HECW2: variants seen among roughly 807,000 people sequenced by gnomAD.
The protein encoded by HECW2 is HECT, C2 and WW domain containing E3 ubiquitin protein ligase 2, also known as E3 ubiquitin-protein ligase HECW2.
Under a neutral mutation model 175.2 loss-of-function variants are expected in HECW2, and 61 were observed. The ratio of observed to expected loss-of-function variants is 0.35; its 90% CI spans 0.28 to 0.43. HECW2 has a LOEUF of 0.43. HECW2 is among the 20% of genes least tolerant of loss of function. The pLI is 1.00. For synonymous variants in HECW2, 671 were observed against 731.0 expected (o/e 0.92, Z 1.32); for missense variants, 1,524 against 2,000.5 (o/e 0.76, Z 4.54).
At chr2:196,363,483 A>C (rs936435698) in intron 2 of HECW2, among the ~76,000 whole-genome samples, 2 of 152,112 alleles carry the variant, frequency 1.3e-5, no homozygotes, top group Non-Finnish European at 2.9e-5. Flanking sequence ...AACCTCACTA[A>C]TTTAGGTGGC....
chr2:196,422,140 T>C (rs1197410773), intron 2 of HECW2, among the ~76,000 whole-genome samples: 2 of 152,172 alleles, frequency 1.3e-5, no homozygotes, highest in African/African-American at 4.8e-5. Flanking sequence ...TATTCCAAAG[T>C]ATGAGACTTT....
intron 27 of HECW2, 101 bp downstream of exon 27, chr2:196,216,907 A>C (rs1687494773): frequency 1.3e-6 from 1 of 750,708 alleles, no homozygotes; most frequent in Non-Finnish European, 2.1e-6. Context: ...CCAGATACAC[A>C]TGGTATGTGT....
chr2:196,494,063 T>C (rs1249876242), intron 1 of HECW2, among the ~76,000 whole-genome samples: 2 of 152,204 alleles, frequency 1.3e-5, no homozygotes, highest in Non-Finnish European at 2.9e-5. Flanking sequence ...GAGTTCAGTA[T>C]TGAAGAATTA....
intron 13 of HECW2, among the ~76,000 whole-genome samples, chr2:196,300,641 A>T (rs1040566031): frequency 5.3e-5 from 8 of 152,236 alleles, no homozygotes; most frequent in Non-Finnish European, 1.0e-4. Context: ...TTTGTAAATT[A>T]TAAGTCAGGA....
chr2:196,585,112 G>A (rs1007502017), intron 1 of HECW2, among the ~76,000 whole-genome samples: 7 of 152,154 alleles, frequency 4.6e-5, no homozygotes, highest in African/African-American at 1.4e-4. Flanking sequence ...TGTGGCCTAA[G>A]TATATTACTG....
At chr2:196,458,784 T>C (rs956124111) in intron 1 of HECW2, among the ~76,000 whole-genome samples, 3 of 152,132 alleles carry the variant, frequency 2.0e-5, no homozygotes, top group African/African-American at 7.2e-5. Flanking sequence ...GAGAATGACT[T>C]GAACCCAGGA....
intron 1 of HECW2, among the ~76,000 whole-genome samples, chr2:196,459,795 T>C (rs1411791628): frequency 6.6e-6 from 1 of 152,174 alleles, no homozygotes; most frequent in East Asian, 1.9e-4. Context: ...GGGAGGGGTT[T>C]TGCATCCTCT....
chr2:196,548,295 A>G (rs1373578230), intron 1 of HECW2, among the ~76,000 whole-genome samples: 2 of 150,416 alleles, frequency 1.3e-5, no homozygotes, highest in African/African-American at 4.9e-5. Flanking sequence ...TCGCCAGTGC[A>G]CTCCAGCCTG....
In HECW2 at chr2:196,450,489, A is replaced by ATT. The variant is rs34937207; in HGVS notation, c.-35-17033_-35-17032dup. Among the ~76,000 whole-genome samples, 504 of 135,472 alleles carry ATT rather than the reference A, an allele frequency of 3.7e-3. 4 individuals are homozygous for ATT. The highest frequency in any genetic ancestry group is 1.0e-2 in the African/African-American group (361 of 36,130). 88.9% of individuals were successfully genotyped at this position (135,472 alleles called of 152,430 possible). On this transcript the variant is annotated intron_variant, in intron 1 of 28. Coordinates refer to ENST00000644978, the MANE Select transcript of HECW2 (RefSeq NM_001348768.2). ...CTGTTAGATGCTGCCCAAATATCAG[A>ATT]TTTTTTTTTTTTTTTTTTTGAGATG...
At chr2:196,274,258 G>T in intron 15 of HECW2, 135 bp from the exon 16 acceptor site, 1 of 636,164 alleles carries the variant, frequency 1.6e-6, no homozygotes, top group Non-Finnish European at 2.8e-6. Flanking sequence ...TACCAGCTGT[G>T]GGGCTGAAGC....
chr2:196,445,409 T>A (rs1436402975), intron 1 of HECW2, among the ~76,000 whole-genome samples: 1 of 152,200 alleles, frequency 6.6e-6, no homozygotes, highest in East Asian at 1.9e-4. Context: ...TTAATTAGCA[T>A]TATTGGCTTT....
At position 196,269,496 on chromosome 2, in the gene HECW2, C is replaced by CAAAAAAAAAAAAA. The variant is rs66656524; in HGVS notation, c.3335+1684_3335+1696dup. ...GTGGGACTCCGTCTCCCCCTACCTCCAAAAAAAAAAAAAAAAAAAAAAAAA... is the reference window on the plus strand; with the variant it reads ...GTGGGACTCCGTCTCCCCCTACCTCCAAAAAAAAAAAAAAAAAAAAAAAAAAAAAAAAAAAAAA... On this transcript the variant is annotated intron_variant, in intron 17 of 28. Coordinates refer to ENST00000644978, the MANE Select transcript of HECW2 (RefSeq NM_001348768.2). 50 of 51,320 alleles carry CAAAAAAAAAAAAA rather than the reference C, an allele frequency of 9.7e-4. 2 individuals are homozygous for CAAAAAAAAAAAAA. The highest frequency in any genetic ancestry group is 2.4e-3 in the African/African-American group (27 of 11,218). 3.2% of individuals were successfully genotyped at this position (51,320 alleles called of 1,614,324 possible).
chr2:196,293,641 A>G (rs974840705), intron 13 of HECW2, among the ~76,000 whole-genome samples: 3 of 152,250 alleles, frequency 2.0e-5, no homozygotes, highest in African/African-American at 7.2e-5. Flanking sequence ...GTCTCACTGC[A>G]CATGGGCCAT....
chr2:196,282,828 C>A (rs1028994206), intron 14 of HECW2, among the ~76,000 whole-genome samples: 1 of 152,172 alleles, frequency 6.6e-6, no homozygotes, highest in Non-Finnish European at 1.5e-5. Flanking sequence ...TCCAACCCCC[C>A]ACTTTCCATC....
intron 19 of HECW2, among the ~76,000 whole-genome samples, chr2:196,243,939 GT>G (rs994732988): frequency 6.6e-6 from 1 of 152,152 alleles, no homozygotes; most frequent in Non-Finnish European, 1.5e-5. Flanking sequence ...CAAGCAGCAG[GT>G]TGGGATAGAA....
rs75183147 is a variant in HECW2, at chr2:196,272,190, G to A, written c.3239-901C>T. Among the ~76,000 whole-genome samples, 1,185 of 152,214 alleles carry A rather than the reference G, an allele frequency of 7.8e-3. 15 individuals are homozygous for A. The highest frequency in any genetic ancestry group is 0.026 in the African/African-American group (1,099 of 41,544). Reference sequence around the variant, plus strand: ...AGGACAAACTATTCTAAAACTCTACGTGGAAATAAATGCCATTAAGCCACA... The same window carrying A: ...AGGACAAACTATTCTAAAACTCTACATGGAAATAAATGCCATTAAGCCACA... On this transcript the variant is annotated intron_variant, in intron 16 of 28. Coordinates refer to ENST00000644978, the MANE Select transcript of HECW2 (RefSeq NM_001348768.2).
chr2:196,559,467 G>T (rs190448793), intron 1 of HECW2, among the ~76,000 whole-genome samples: 2 of 152,180 alleles, frequency 1.3e-5, no homozygotes, highest in African/African-American at 4.8e-5. Flanking sequence ...TGAAGCTAAC[G>T]TTGGGCTAAT....
intron 1 of HECW2, among the ~76,000 whole-genome samples, chr2:196,559,462 C>T (rs1043168569): frequency 6.6e-6 from 1 of 152,292 alleles, no homozygotes; most frequent in African/African-American, 2.4e-5. Flanking sequence ...ATTATTGAAG[C>T]TAACGTTGGG....
chr2:196,373,737 C>G (rs548185000), intron 2 of HECW2, among the ~76,000 whole-genome samples: 2 of 152,248 alleles, frequency 1.3e-5, no homozygotes, highest in African/African-American at 2.4e-5. Context: ...AAATTATCTG[C>G]CATGGCTTGA....
Sources: gnomAD v4.1 joint callset for allele counts (sites outside exome capture counted in the v4.1 genomes callset) on GRCh38, gnomAD v4.1.1 for gene constraint, MANE v1.5 for transcripts, NCBI Gene and HGNC (gene_info 2026-07-23, HGNC 2026-07-21) for gene names.